WDR59: variants seen among roughly 807,000 people sequenced by gnomAD.
WDR59 encodes WD repeat domain 59.
Under a neutral mutation model 131.2 loss-of-function variants are expected in WDR59, and 100 were observed. The observed-to-expected ratio is 0.76, with a 90% confidence interval of 0.65 to 0.90. The LOEUF is 0.90. Ranked by LOEUF, WDR59 falls within the 40% of genes least tolerant of loss-of-function variation. WDR59 has a pLI of 0.00. For missense variants in WDR59, 1,203 were observed against 1,262.2 expected (o/e 0.95, Z 0.71); for synonymous variants, 601 against 466.2 (o/e 1.29, Z -3.72).
intron 3 of WDR59, among the ~76,000 whole-genome samples, chr16:74,954,982 T>C (rs909142711): frequency 2.1e-4 from 32 of 152,218 alleles, no homozygotes; most frequent in Non-Finnish European, 1.8e-4. Flanking sequence ...GGGGAGAAAC[T>C]GCTTAATGAA....
In WDR59 at chr16:74,912,235, G is replaced by A; in HGVS notation, c.1352C>T (p.Thr451Ile). ...AAPSFQFINPTTITSTMKAKL... is the reference protein window; with the variant it reads ...AAPSFQFINPITITSTMKAKL... ...AGCTTTCATGGTGGATGTGATGGTT[G>A]TGGGGTTAATAAACTGGAAGGAAGG... Residue 451 changes from threonine (T) to isoleucine (I), a missense_variant, in exon 14 of 26, where the codon ACA (threonine) becomes ATA (isoleucine). Physicochemically the swap from Thr to Ile is moderately conservative, Grantham distance 89. Transcript: ENST00000262144. The A allele has an allele frequency of 6.2e-7, 1 of 1,614,208 alleles. No homozygotes were observed. The highest frequency in any genetic ancestry group is 8.5e-7 in the Non-Finnish European group (1 of 1,180,040).
Position 74,872,565 on chromosome 16 carries a change from C to CT in WDR59, c.*1643dup, listed in dbSNP as rs1440477650. ...ACAGAGTGAGACCCTGTCTCTCTCTCTAAAAAAAAAAAAAAAAAATTTAAC... is the reference window on the plus strand; with the variant it reads ...ACAGAGTGAGACCCTGTCTCTCTCTCTTAAAAAAAAAAAAAAAAAATTTAAC... On this transcript the variant is annotated 3_prime_UTR_variant, in exon 26 of 26. Transcript: ENST00000262144. 4 of 130,876 alleles carry CT rather than the reference C, an allele frequency of 3.1e-5. No homozygotes were observed. Among genetic ancestry groups the CT allele is most frequent in the African/African-American group, 1.1e-4 (4 of 34,930 alleles). The allele number at this position is 130,876 out of a possible 1,614,324, so 8.1% of individuals were successfully genotyped here.
intron 25 of WDR59, among the ~76,000 whole-genome samples, chr16:74,877,215 G>A (rs1201904724): frequency 6.6e-6 from 1 of 151,968 alleles, no homozygotes; most frequent in Non-Finnish European, 1.5e-5. Flanking sequence ...ATTTAAATTT[G>A]CTGGTTTTGT....
rs555483385 is a variant in WDR59 at position 74,949,691 on chromosome 16, G to T, written c.407+27C>A. ...AAGGTCCCAAATCACCCCCAACCAA[G>T]TGGTTATGCCTCCTAATTGTTCTTA... On this transcript the variant is annotated intron_variant, in intron 5 of 25. Coordinates refer to ENST00000262144, the MANE Select transcript of WDR59 (RefSeq NM_030581.4). 22 of 1,606,524 alleles carry T rather than the reference G, an allele frequency of 1.4e-5. No homozygotes were observed. In the African/African-American group the frequency reaches 2.9e-4, roughly 21 times the overall value.
At chr16:74,887,069 G>A (rs975336582) in intron 23 of WDR59, among the ~76,000 whole-genome samples, 8 of 152,250 alleles carry the variant, frequency 5.3e-5, no homozygotes, top group African/African-American at 1.9e-4. Flanking sequence ...TATATCAAAT[G>A]ACCACACTCC....
intron 1 of WDR59, among the ~76,000 whole-genome samples, chr16:74,966,670 C>T (rs1039644315): frequency 6.6e-6 from 1 of 152,104 alleles, no homozygotes; most frequent in African/African-American, 2.4e-5. Context: ...GACTTCTCCT[C>T]AAGCCATATG....
intron 2 of WDR59, among the ~76,000 whole-genome samples, chr16:74,961,066 G>A (rs377017905): frequency 3.2e-4 from 49 of 152,022 alleles, no homozygotes; most frequent in African/African-American, 1.2e-3. Context: ...GCATTTTGGG[G>A]GGCCAAGGCA....
chr16:74,911,225 G>A (rs1044549035), intron 14 of WDR59, among the ~76,000 whole-genome samples: 1 of 152,142 alleles, frequency 6.6e-6, no homozygotes, highest in African/African-American at 2.4e-5. Flanking sequence ...TATACTAACA[G>A]AAAAATCTAT....
intron 17 of WDR59, among the ~76,000 whole-genome samples, chr16:74,907,937 G>A (rs1965899167): frequency 6.6e-6 from 1 of 152,186 alleles, no homozygotes; most frequent in South Asian, 2.1e-4. Context: ...AAATGACAGG[G>A]CCAAAATCTG....
At position 74,886,177 on chromosome 16, in the gene WDR59, C is replaced by CAAAAAAAAAAAAAAAAAAA. The variant is rs777732079; in HGVS notation, c.2546+92_2546+93insTTTTTTTTTTTTTTTTTTT. Reference sequence around the variant, plus strand: ...TAGTGACCGGGTAAGATTCTGTGTCCAAAAAAAAAAAAAGTAAGAGTTGTG... The same window carrying CAAAAAAAAAAAAAAAAAAA: ...TAGTGACCGGGTAAGATTCTGTGTCCAAAAAAAAAAAAAAAAAAAAAAAAAAAAAAAAGTAAGAGTTGTG... On this transcript the variant is annotated intron_variant, in intron 24 of 25. Transcript: ENST00000262144. 2.8e-4 allele frequency: 286 copies of CAAAAAAAAAAAAAAAAAAA among 1,018,654 alleles called. 3 individuals carry two copies. The highest frequency in any genetic ancestry group is 9.1e-4 in the African/African-American group (46 of 50,688). The allele number at this position is 1,018,654 out of a possible 1,614,324, so 63.1% of individuals were successfully genotyped here.
intron 14 of WDR59, chr16:74,911,985 G>T: frequency 3.5e-6 from 2 of 578,738 alleles, no homozygotes; most frequent in South Asian, 2.7e-5. Flanking sequence ...GAATTCAAAG[G>T]AAGTCTATGA....
chr16:74,918,958 C>T (rs548179592), intron 10 of WDR59, among the ~76,000 whole-genome samples: 4 of 152,326 alleles, frequency 2.6e-5, no homozygotes, highest in South Asian at 2.1e-4. Context: ...TTCTGAACCA[C>T]GGCTTGTTAC....
intron 18 of WDR59, chr16:74,899,551 C>T: frequency 1.9e-6 from 1 of 523,796 alleles, no homozygotes; most frequent in Non-Finnish European, 3.1e-6. Context: ...TCTGAACTCC[C>T]CCAAGCAAAA....
chr16:74,926,294 G>T (rs1368470632), intron 8 of WDR59, among the ~76,000 whole-genome samples: 2 of 152,150 alleles, frequency 1.3e-5, no homozygotes, highest in Non-Finnish European at 2.9e-5. Context: ...CTGACCTCAG[G>T]TGATCTGCCC....
chr16:74,884,863 T>C (rs767977937), intron 25 of WDR59, among the ~76,000 whole-genome samples: 2 of 152,168 alleles, frequency 1.3e-5, no homozygotes, highest in African/African-American at 2.4e-5. Flanking sequence ...CACGGTTCCT[T>C]TAAACCTTCA....
intron 17 of WDR59, chr16:74,904,403 G>A: frequency 3.9e-5 from 9 of 232,680 alleles, no homozygotes; most frequent in South Asian, 6.7e-5. Flanking sequence ...ACAAATATTT[G>A]GAAAATAAAT....
intron 1 of WDR59, among the ~76,000 whole-genome samples, chr16:74,984,447 C>A (rs575958685): frequency 6.6e-6 from 1 of 152,162 alleles, no homozygotes; most frequent in Non-Finnish European, 1.5e-5. Context: ...CAGTGTCACT[C>A]CTATCCACTA....
At chr16:74,920,062 C>T (rs1453943610) in intron 10 of WDR59, among the ~76,000 whole-genome samples, 1 of 121,316 alleles carries the variant, frequency 8.2e-6, no homozygotes, top group Admixed American at 9.0e-5. Context: ...GAGCGAGACC[C>T]TATCTCAAAA....
At position 74,916,002 on chromosome 16, in the gene WDR59, G is replaced by A; in HGVS notation, c.1100-8C>T. 5 of 1,614,184 alleles carry A rather than the reference G, an allele frequency of 3.1e-6. No homozygotes were observed. Among genetic ancestry groups the A allele is most frequent in the Non-Finnish European group, 4.2e-6 (5 of 1,180,030 alleles). On this transcript the variant is annotated splice_region_variant and splice_polypyrimidine_tract_variant and intron_variant, in intron 12 of 25. Transcript: ENST00000262144. ...GGGGATCTTCTTTTAGGGCTAGCAGGAGAGAGAAGTTCAATGTTGGAAAGC... is the reference window on the plus strand; with the variant it reads ...GGGGATCTTCTTTTAGGGCTAGCAGAAGAGAGAAGTTCAATGTTGGAAAGC...
Sources: allele counts gnomAD v4.1 joint callset (sites outside exome capture counted in the v4.1 genomes callset), GRCh38; gene constraint gnomAD v4.1.1; transcripts MANE v1.5; gene names NCBI Gene and HGNC (gene_info 2026-07-23, HGNC 2026-07-21).